NCAN: variants seen among roughly 807,000 people sequenced by gnomAD.
NCAN encodes the protein neurocan.
NCAN carries 47 observed loss-of-function variants against 121.8 expected under a neutral mutation model. That is an observed-to-expected ratio of 0.39 (90% CI 0.31 to 0.49). The LOEUF is 0.49. NCAN is among the 20% of genes least tolerant of loss of function. The pLI is 0.92. For missense variants in NCAN, 1,517 were observed against 1,773.4 expected (o/e 0.86, Z 2.60); for synonymous variants, 633 against 702.0 (o/e 0.90, Z 1.55).
Position 19,226,791 on chromosome 19 carries a change from G to A in NCAN, c.1378G>A (p.Ala460Thr), listed in dbSNP as rs759439333. The part of the protein sequence containing the change: ...TVAPSPSDMG[A>T]GTAASSHTEV... ...GGCCCCCAGCCCTAGCGACATGGGG[G>A]CAGGCACTGCAGCAAGTTCACACAC... The change falls in exon 7 of 15, where the codon GCA becomes ACA. Residue 460 changes from alanine to threonine, a missense_variant. Transcript: ENST00000252575. The A allele has an allele frequency of 4.0e-5, 65 of 1,613,280 alleles. No homozygotes were observed. Among genetic ancestry groups the A allele is most frequent in the Admixed American group, 1.0e-4 (6 of 59,998 alleles).
chr19:19,225,362 C>A lies in NCAN; in HGVS notation c.1072+92C>A. ...GCCTCGCCAAGCCAAGGGAGAGACACATGGAAGCTCGCTTTGTGATAAGCC... is the reference window on the plus strand; with the variant it reads ...GCCTCGCCAAGCCAAGGGAGAGACAAATGGAAGCTCGCTTTGTGATAAGCC... On this transcript the variant is annotated intron_variant, in intron 6 of 14. Transcript: ENST00000252575. The surrounding 1 kb of genome is among the most constrained non-coding windows in gnomAD (Gnocchi z 4.0). The A allele has an allele frequency of 1.5e-6, 2 of 1,371,388 alleles. No homozygotes were observed. The highest frequency in any genetic ancestry group is 1.9e-6 in the Non-Finnish European group (2 of 1,057,290). The allele number at this position is 1,371,388 out of a possible 1,614,324, so 85.0% of individuals were successfully genotyped here.
Position 19,228,040 on chromosome 19 carries a change from T to C in NCAN, c.2420T>C (p.Val807Ala), listed in dbSNP as rs779272553. The change falls in exon 8 of 15, where the codon GTA becomes GCA. Residue 807 changes from valine to alanine, a missense_variant. By Grantham distance (64) the Val-to-Ala change is moderately conservative. Coordinates refer to ENST00000252575, the MANE Select transcript of NCAN (RefSeq NM_004386.3). ...APLGSPGVFL[V>A]PKVTPNLEPW... is the part of the protein sequence containing the mutation. ...CTGGGGAGCCCTGGAGTCTTCTTGG[T>C]ACCCAAAGTCACCCCAAATTTGGAG... 23 of 1,613,388 alleles carry C rather than the reference T, an allele frequency of 1.4e-5. No homozygotes were observed. The Admixed American group carries it at 3.5e-4, about 25-fold the overall frequency.
intron 8 of NCAN, among the ~76,000 whole-genome samples, chr19:19,230,849 G>T (rs2060856307): frequency 6.8e-6 from 1 of 147,996 alleles, no homozygotes; most frequent in Non-Finnish European, 1.5e-5. Context: ...TTCTCCAGTA[G>T]CTTGGACTAC....
In NCAN at chr19:19,248,779, T is replaced by G. The variant is rs1242128355; in HGVS notation, c.3717T>G (p.Thr1239=). 6.8e-6 allele frequency: 11 copies of G among 1,614,212 alleles called. No individual in the cohort carries two copies. Among genetic ancestry groups the G allele is most frequent in the Admixed American group, 1.7e-5 (1 of 60,030 alleles). ...ARKAKYNVHA[T]VRYQCNEGFA... is the part of the protein sequence containing the mutation. ...AGGCCAAGTACAATGTCCATGCCACTGTAAGGTACCAGTGCAATGAAGGAT... is the reference window on the plus strand; with the variant it reads ...AGGCCAAGTACAATGTCCATGCCACGGTAAGGTACCAGTGCAATGAAGGAT... Residue 1239 remains threonine, a synonymous_variant, in exon 14 of 15, where the codon ACT becomes ACG. Coordinates refer to ENST00000252575, the MANE Select transcript of NCAN (RefSeq NM_004386.3).
intron 11 of NCAN, among the ~76,000 whole-genome samples, chr19:19,239,527 T>C (rs2060894567): frequency 8.6e-6 from 1 of 116,378 alleles, no homozygotes; most frequent in South Asian, 3.7e-4. Flanking sequence ...CTCCTCCCCT[T>C]CCTCCTTCCA....
chr19:19,245,716 G>A (rs971236330), intron 13 of NCAN, among the ~76,000 whole-genome samples: 9 of 152,076 alleles, frequency 5.9e-5, no homozygotes, highest in Non-Finnish European at 1.2e-4. Flanking sequence ...GGGCTCAAGC[G>A]ATCTGCCTGT....
intron 12 of NCAN, 23 bp downstream of exon 12, chr19:19,240,708 C>G: frequency 6.2e-7 from 1 of 1,611,440 alleles, no homozygotes; most frequent in Non-Finnish European, 8.5e-7. Context: ...GGCTGCGGGC[C>G]TAGGCTGCTG....
chr19:19,213,286 T>A lies in NCAN; in HGVS notation c.-8+1222T>A, dbSNP rs184841457. On this transcript the variant is annotated intron_variant, in intron 1 of 14. Coordinates refer to ENST00000252575, the MANE Select transcript of NCAN (RefSeq NM_004386.3). ...CCCAGACAGGCAGGGAGGGGGAGTA[T>A]GCCCAGGGGTTCTAGGGTCCCCTGT... 4.2e-3 allele frequency among the ~76,000 whole-genome samples: 643 copies of A among 152,114 alleles called. 1 individual carries two copies. The highest frequency in any genetic ancestry group is 6.7e-3 in the Non-Finnish European group (458 of 67,982).
In NCAN at chr19:19,250,014, T is replaced by C. The variant is rs769175089; in HGVS notation, c.*103T>C. On this transcript the variant is annotated 3_prime_UTR_variant, in exon 15 of 15. Coordinates refer to ENST00000252575, the MANE Select transcript of NCAN (RefSeq NM_004386.3). ...AGAAACAAGAGAGTCCAGAAGTCCC[T>C]GAACCCCAAACCACATCCCCCACAC... 1 of 1,255,378 alleles carries C rather than the reference T, an allele frequency of 8.0e-7. No homozygotes were observed. The highest frequency in any genetic ancestry group is 1.1e-6 in the Non-Finnish European group (1 of 878,890). 77.8% of individuals were successfully genotyped at this position (1,255,378 alleles called of 1,614,324 possible).
chr19:19,230,763 C>T (rs1361177645), intron 8 of NCAN, among the ~76,000 whole-genome samples: 4 of 127,148 alleles, frequency 3.1e-5, no homozygotes, highest in African/African-American at 6.1e-5. Context: ...GGGTCTTGGT[C>T]AGTTGTTCAG....
intron 10 of NCAN, among the ~76,000 whole-genome samples, chr19:19,237,951 G>C (rs935658269): frequency 6.6e-6 from 1 of 152,210 alleles, no homozygotes; most frequent in Non-Finnish European, 1.5e-5. Context: ...GCTGAGGTGG[G>C]AGGATTGCTT....
Position 19,228,809 on chromosome 19 carries a change from A to C in NCAN, c.3019+170A>C, listed in dbSNP as rs2060847861. On this transcript the variant is annotated intron_variant, in intron 8 of 14. Coordinates refer to ENST00000252575, the MANE Select transcript of NCAN (RefSeq NM_004386.3). Reference sequence around the variant, plus strand: ...CTTATCAGGTGGAGTTGAATTTCAGAAAGGACATTCCTGGCAGAGGAACGA... The same window carrying C: ...CTTATCAGGTGGAGTTGAATTTCAGCAAGGACATTCCTGGCAGAGGAACGA... Among the ~76,000 whole-genome samples, 4 of 152,220 alleles carry C rather than the reference A, an allele frequency of 2.6e-5. No individual in the cohort carries two copies. In the South Asian group the frequency reaches 8.3e-4, roughly 32 times the overall value.
intron 3 of NCAN, 78 bp from the exon 4 acceptor site, chr19:19,223,943 A>G (rs1375180036): frequency 7.1e-7 from 1 of 1,403,280 alleles, no homozygotes; most frequent in African/African-American, 1.4e-5. Context: ...GTGGGGAGTC[A>G]TTCTGCAAGA....
intron 10 of NCAN, 60 bp from the exon 11 acceptor site, chr19:19,238,193 A>G: frequency 1.2e-5 from 19 of 1,607,228 alleles, no homozygotes; most frequent in Middle Eastern, 1.7e-4. Context: ...GGCTGTGCTC[A>G]TGGCTGGTAG....
chr19:19,214,584 AT>A (rs2060789230), intron 1 of NCAN, among the ~76,000 whole-genome samples: 1 of 152,070 alleles, frequency 6.6e-6, no homozygotes, highest in South Asian at 2.1e-4. Flanking sequence ...GTCTTAGGTC[AT>A]TTCATCCTCA....
intron 1 of NCAN, among the ~76,000 whole-genome samples, chr19:19,216,732 G>A (rs545500255): frequency 7.3e-4 from 111 of 152,312 alleles, no homozygotes; most frequent in Non-Finnish European, 1.3e-3. Flanking sequence ...GTGAGCCACC[G>A]CGTCCAGCCA....
chr19:19,238,583 T>G, intron 11 of NCAN, 172 bp downstream of exon 11: 2 of 704,934 alleles, frequency 2.8e-6, no homozygotes, highest in Non-Finnish European at 4.8e-6. Context: ...ATCTGTCAAT[T>G]CACTTGTTAA....
chr19:19,236,552 T>C (rs1392801286), intron 10 of NCAN, among the ~76,000 whole-genome samples: 1 of 152,138 alleles, frequency 6.6e-6, no homozygotes, highest in Admixed American at 6.6e-5. Context: ...TGGTGTATAC[T>C]CTCAGGAGTG....
chr19:19,241,096 A>G (rs1383412310), intron 12 of NCAN, among the ~76,000 whole-genome samples: 1 of 151,846 alleles, frequency 6.6e-6, no homozygotes, highest in Non-Finnish European at 1.5e-5. Flanking sequence ...TCTCTACTAA[A>G]AATATAAAAA....
Sources: allele counts gnomAD v4.1 joint callset (sites outside exome capture counted in the v4.1 genomes callset), GRCh38; gene constraint gnomAD v4.1.1; non-coding constraint Gnocchi (gnomAD v3.1); transcripts MANE v1.5; gene names NCBI Gene and HGNC (gene_info 2026-07-23, HGNC 2026-07-21).